The following RLIM variants were observed in gnomAD, a reference collection of about 807,000 sequenced individuals.
RLIM encodes the protein E3 ubiquitin-protein ligase RLIM.
RLIM carries 2 observed loss-of-function variants against 34.0 expected under a neutral mutation model. The observed-to-expected ratio is 0.06, with a 90% CI of 0.02 to 0.19. The LOEUF is 0.19. Among genes scored for constraint, RLIM ranks in the 10% least tolerant of loss-of-function variants. The pLI is 1.00. For missense variants in RLIM, 286 were observed against 479.7 expected, an observed-to-expected ratio of 0.60 and a Z score of 3.77; for synonymous variants, 169 against 164.0, an observed-to-expected ratio of 1.03 and a Z score of -0.23.
intron 1 of RLIM, among the ~76,000 whole-genome samples, chrX:74,604,308 C>T (rs1234699408): frequency 9.0e-6 from 1 of 110,766 alleles, no homozygotes; most frequent in Non-Finnish European, 1.9e-5. Context: ...TTTTACACTA[C>T]TTCAGTTTTT....
In RLIM at chrX:74,585,795, G is replaced by A. The variant is rs1210220396; in HGVS notation, c.*5645C>T. ...TAAATTGAAAGAAAATGAGAAACCAGATAAAGCAAGCCAACCAAATTAACT... is the reference window on the plus strand; with the variant it reads ...TAAATTGAAAGAAAATGAGAAACCAAATAAAGCAAGCCAACCAAATTAACT... On this transcript the variant is annotated 3_prime_UTR_variant, in exon 4 of 4. Transcript: ENST00000332687. The A allele has an allele frequency of 8.9e-6, 1 of 112,017 alleles. No individual in the cohort carries two copies. The highest frequency in any genetic ancestry group is 9.5e-5 in the Admixed American group (1 of 10,524). The allele number at this position is 112,017 out of a possible 1,213,427, so 9.2% of individuals were successfully genotyped here.
At chrX:74,595,717 G>T in intron 2 of RLIM, 92 bp downstream of exon 2, 1 of 616,561 alleles carries the variant, frequency 1.6e-6, no homozygotes, top group Non-Finnish European at 2.4e-6. Flanking sequence ...ATTTCATAAG[G>T]GCTAAAGAAA....
In RLIM at chrX:74,601,518, A is replaced by AC. The variant is rs1239045350; in HGVS notation, c.-23-5519dup. On this transcript the variant is annotated intron_variant, in intron 1 of 3. Coordinates refer to ENST00000332687, the MANE Select transcript of RLIM (RefSeq NM_016120.4). ...TGCTGGTCAACTTAAAAAAATACAA[A>AC]CCCCCCCCCAAAAAGATTAACCTTA... Among the ~76,000 whole-genome samples the AC allele has an allele frequency of 7.3e-3, 799 of 108,770 alleles. 4 individuals are homozygous for AC. Among genetic ancestry groups the AC allele is most frequent in the Non-Finnish European group, 0.011 (588 of 51,632 alleles). 94.5% of individuals were successfully genotyped at this position (108,770 alleles called of 115,157 possible).
chrX:74,613,568 G>A (rs779042764), intron 1 of RLIM, among the ~76,000 whole-genome samples: 1 of 108,566 alleles, frequency 9.2e-6, no homozygotes, highest in South Asian at 4.1e-4. Context: ...AAGCCCAACC[G>A]GTTAATACTA....
intron 1 of RLIM, among the ~76,000 whole-genome samples, chrX:74,600,020 C>A (rs928156204): frequency 2.4e-4 from 26 of 109,618 alleles, no homozygotes; most frequent in Admixed American, 2.3e-3. Context: ...TAGACAGAGG[C>A]ATACCTAGAT....
At position 74,591,363 on chromosome X, in the gene RLIM, A is replaced by G; in HGVS notation, c.*77T>C. 2 of 777,592 alleles carry G rather than the reference A, an allele frequency of 2.6e-6. No individual in the cohort carries two copies. Among genetic ancestry groups the G allele is most frequent in the Admixed American group, 5.5e-5 (2 of 36,111 alleles). The allele number at this position is 777,592 out of a possible 1,213,427, so 64.1% of individuals were successfully genotyped here. On this transcript the variant is annotated 3_prime_UTR_variant, in exon 4 of 4. Transcript: ENST00000332687. ...TTACTTTACATTTAAGTACCACTCA[A>G]AAAGTGGACATAAAAGCAAGTGATT... is the stretch of plus-strand genomic sequence containing the variant.
rs2079638249 is a variant in RLIM, at chrX:74,595,999, A to C, written c.-22T>G. On this transcript the variant is annotated splice_region_variant and 5_prime_UTR_variant, in exon 2 of 4. Coordinates refer to ENST00000332687, the MANE Select transcript of RLIM (RefSeq NM_016120.4). ...CCATATTGATGAACAAGTGGAAAAT[A>C]CCTGAAAAGAGAAAAGAGACTAATC... 2 of 1,099,431 alleles carry C rather than the reference A, an allele frequency of 1.8e-6. No individual in the cohort carries two copies. Among genetic ancestry groups the C allele is most frequent in the Non-Finnish European group, 2.4e-6 (2 of 821,848 alleles). 90.6% of individuals were successfully genotyped at this position (1,099,431 alleles called of 1,213,427 possible).
chrX:74,610,168 G>A (rs1431834343), intron 1 of RLIM, among the ~76,000 whole-genome samples: 3 of 112,382 alleles, frequency 2.7e-5, no homozygotes, highest in African/African-American at 6.5e-5. Flanking sequence ...TGTAATCCCT[G>A]TACTTTGGGA....
At chrX:74,606,805 TG>T (rs1569313035) in intron 1 of RLIM, among the ~76,000 whole-genome samples, 1 of 111,551 alleles carries the variant, frequency 9.0e-6, no homozygotes, top group Non-Finnish European at 1.9e-5. Flanking sequence ...GAAATGCCTG[TG>T]TAAAAACCAA....
chrX:74,610,676 G>A (rs748054504), intron 1 of RLIM, among the ~76,000 whole-genome samples: 1 of 109,826 alleles, frequency 9.1e-6, no homozygotes, highest in Admixed American at 9.8e-5. Flanking sequence ...CAGATCACAA[G>A]GTCAGGAGTT....
At chrX:74,594,417 T>C (rs774696272) in intron 2 of RLIM, 28 bp from the exon 3 acceptor site, 7 of 1,026,650 alleles carry the variant, frequency 6.8e-6, no homozygotes, top group Non-Finnish European at 9.5e-6. Flanking sequence ...AGGGCAAAGA[T>C]GACATTAGGG....
intron 3 of RLIM, 49 bp from the exon 4 acceptor site, chrX:74,593,110 T>C (rs765044623): frequency 2.6e-6 from 3 of 1,136,672 alleles, no homozygotes; most frequent in African/African-American, 1.8e-5. Context: ...ACTACTAAAA[T>C]GAGGACAATC....
At position 74,595,980 on chromosome X, in the gene RLIM, T is replaced by C; in HGVS notation, c.-3A>G. The C allele has an allele frequency of 1.7e-6, 2 of 1,163,743 alleles. No individual in the cohort carries two copies. The highest frequency in any genetic ancestry group is 2.3e-6 in the Non-Finnish European group (2 of 869,359). ...TCATTGGAATCTGAGTTTTCCATAT[T>C]GATGAACAAGTGGAAAATACCTGAA... On this transcript the variant is annotated 5_prime_UTR_variant, in exon 2 of 4. Coordinates refer to ENST00000332687, the MANE Select transcript of RLIM (RefSeq NM_016120.4).
rs774205613 is a variant in RLIM at position 74,583,215 on chromosome X, TGAA to T, written c.*8222_*8224del. The T allele has an allele frequency of 4.7e-6, 5 of 1,059,252 alleles. No homozygotes were observed. Among genetic ancestry groups the T allele is most frequent in the Non-Finnish European group, 6.6e-6 (5 of 756,313 alleles). 87.3% of individuals were successfully genotyped at this position (1,059,252 alleles called of 1,213,427 possible). On this transcript the variant is annotated 3_prime_UTR_variant, in exon 4 of 4. Transcript: ENST00000332687. ...GAGTGACTCTGGAGACTTGAGCATA[TGAA>T]GAAGTTCTGAATTATCAATCTCCAA... is the stretch of plus-strand genomic sequence containing the variant.
Position 74,586,035 on chromosome X carries a change from T to G in RLIM, c.*5405A>C, listed in dbSNP as rs1931344017. ...ATTGCTGCCCTGTTCTTTGTATGAA[T>G]CCAAGTAAACAACTATACCAAAGCA... On this transcript the variant is annotated 3_prime_UTR_variant, in exon 4 of 4. Coordinates refer to ENST00000332687, the MANE Select transcript of RLIM (RefSeq NM_016120.4). 1 of 111,814 alleles carries G rather than the reference T, an allele frequency of 8.9e-6. No homozygotes were observed. Among genetic ancestry groups the G allele is most frequent in the South Asian group, 3.7e-4 (1 of 2,682 alleles). The allele number at this position is 111,814 out of a possible 1,213,427, so 9.2% of individuals were successfully genotyped here.
chrX:74,593,172 T>C, intron 3 of RLIM, 111 bp from the exon 4 acceptor site: 1 of 795,073 alleles, frequency 1.3e-6, no homozygotes. Flanking sequence ...TCGGAACACA[T>C]TTCATAATTA....
In RLIM at chrX:74,592,155, C is replaced by T. The variant is rs1214812674; in HGVS notation, c.1160G>A (p.Arg387His). 9 of 1,209,912 alleles carry T rather than the reference C, an allele frequency of 7.4e-6. No individual in the cohort carries two copies. Among genetic ancestry groups the T allele is most frequent in the African/African-American group, 5.2e-5 (3 of 57,201 alleles). The part of the protein sequence containing the change: ...TYVSTIRIPI[R>H]RILNTGLSET... ...ACTTAAACCAGTATTTAAGATTCTA[C>T]GAATGGGAATTCTGATGGTACTGAC... The change falls in exon 4 of 4, where the codon CGT becomes CAT. Residue 387 changes from arginine to histidine, a missense_variant. Physicochemically the swap from Arg to His is conservative, Grantham distance 29 (BLOSUM62 0). This residue lies in a region of RLIM where 12 missense variants were observed against 45.2 expected (regional missense o/e 0.27). Coordinates refer to ENST00000332687, the MANE Select transcript of RLIM (RefSeq NM_016120.4).
chrX:74,591,908 GGAACTGGAACTC>G lies in RLIM; in HGVS notation c.1395_1406del (p.Ser473_Ser476del), dbSNP rs1569309634. 5 of 1,185,723 alleles carry G rather than the reference GGAACTGGAACTC, an allele frequency of 4.2e-6. No homozygotes were observed. Among genetic ancestry groups the G allele is most frequent in the African/African-American group, 3.8e-5 (2 of 53,284 alleles). ...TAGGACTGGAACTGGAACTTGAACT[GGAACTGGAACTC>G]GAACTGGAACTGGAACTCGAACTGG... On this transcript the variant is annotated inframe_deletion, in exon 4 of 4. Coordinates refer to ENST00000332687, the MANE Select transcript of RLIM (RefSeq NM_016120.4).
chrX:74,597,581 G>A (rs1032106989), intron 1 of RLIM, among the ~76,000 whole-genome samples: 4 of 111,677 alleles, frequency 3.6e-5, no homozygotes, highest in Non-Finnish European at 7.5e-5. Flanking sequence ...TGTTACTACT[G>A]GAATGGTAAA....
Sources: gnomAD v4.1 joint callset for allele counts (sites outside exome capture counted in the v4.1 genomes callset) on GRCh38, gnomAD v4.1.1 for gene constraint, gnomAD v4.1.1 regional missense constraint, MANE v1.5 for transcripts, NCBI Gene and HGNC (gene_info 2026-07-23, HGNC 2026-07-21) for gene names.